Variants in CALN1 observed in about 807,000 individuals in gnomAD.
CALN1 encodes the protein calneuron 1, also known as calcium-binding protein 8.
Under a neutral mutation model 30.6 loss-of-function variants are expected in CALN1, and 17 were observed. The observed-to-expected ratio is 0.56, with a 90% CI of 0.38 to 0.83. The LOEUF is 0.83. CALN1 is among the 40% of genes least tolerant of loss of function. The probability of loss-of-function intolerance (pLI) is 0.00; values close to 1 mark genes in which losing one functional copy is unlikely to be tolerated. For missense variants in CALN1, 291 were observed against 354.9 expected (o/e 0.82, Z 1.45); for synonymous variants, 156 against 131.4 (o/e 1.19, Z -1.28).
chr7:72,378,319 G>A (rs1003323633), intron 2 of CALN1, among the ~76,000 whole-genome samples: 1 of 152,140 alleles, frequency 6.6e-6, no homozygotes, highest in Non-Finnish European at 1.5e-5. Context: ...GCAGAGAATA[G>A]GGAAAATTAA....
chr7:71,913,284 G>C (rs1426615747), intron 5 of CALN1, among the ~76,000 whole-genome samples: 1 of 152,158 alleles, frequency 6.6e-6, no homozygotes, highest in Non-Finnish European at 1.5e-5. Flanking sequence ...TGTGCATTAG[G>C]TGAGTTCTCT....
chr7:72,299,086 A>G (rs907690396), intron 2 of CALN1, among the ~76,000 whole-genome samples: 1 of 152,204 alleles, frequency 6.6e-6, no homozygotes, highest in African/African-American at 2.4e-5. Context: ...AGTACCTCCC[A>G]GTGTGAGATG....
At chr7:71,825,071 C>A (rs138098105) in intron 5 of CALN1, among the ~76,000 whole-genome samples, 1 of 152,156 alleles carries the variant, frequency 6.6e-6, no homozygotes, top group Admixed American at 6.5e-5. Context: ...GTCCCCACAG[C>A]GCAAACAATG....
intron 3 of CALN1, among the ~76,000 whole-genome samples, chr7:72,115,343 G>A (rs1199051426): frequency 6.8e-6 from 1 of 146,154 alleles, no homozygotes; most frequent in East Asian, 2.0e-4. Flanking sequence ...TCTCCACCTG[G>A]ATTTTTTTTT....
intron 5 of CALN1, among the ~76,000 whole-genome samples, chr7:71,947,622 C>G (rs1218236160): frequency 6.6e-6 from 1 of 152,072 alleles, no homozygotes; most frequent in East Asian, 1.9e-4. Context: ...CCTTGAAATA[C>G]TGTTCTCATA....
rs142775484 is a variant in CALN1, at chr7:72,369,087, T to C, written c.119+34164A>G. On this transcript the variant is annotated intron_variant, in intron 2 of 6. Transcript: ENST00000395275. ...ACCTCTGCCTCCTAAAGTGCTGTGA[T>C]TACAGGCATGAGCCACTGCACCCAG... Among the ~76,000 whole-genome samples, 1,183 of 151,680 alleles carry C rather than the reference T, an allele frequency of 7.8e-3. 4 individuals are homozygous for C. Among genetic ancestry groups the C allele is most frequent in the Non-Finnish European group, 0.012 (786 of 67,906 alleles).
intron 4 of CALN1, among the ~76,000 whole-genome samples, chr7:72,059,776 C>T (rs1001099871): frequency 6.6e-6 from 1 of 151,996 alleles, no homozygotes; most frequent in African/African-American, 2.4e-5. Flanking sequence ...TATGATGAAA[C>T]ATTCAATTAA....
chr7:71,981,874 T>G (rs1301463479), intron 5 of CALN1, among the ~76,000 whole-genome samples: 1 of 152,014 alleles, frequency 6.6e-6, no homozygotes, highest in Non-Finnish European at 1.5e-5. Context: ...TCTTCCTCTG[T>G]GTTGACAGTT....
At chr7:72,404,837 C>G (rs1806593423) in intron 1 of CALN1, among the ~76,000 whole-genome samples, 1 of 152,186 alleles carries the variant, frequency 6.6e-6, no homozygotes, top group African/African-American at 2.4e-5. Flanking sequence ...TGTTGTAAAT[C>G]TGCACGCACA....
chr7:72,066,808 G>A (rs1357637393), intron 4 of CALN1, among the ~76,000 whole-genome samples: 1 of 150,826 alleles, frequency 6.6e-6, no homozygotes, highest in Non-Finnish European at 1.5e-5. Flanking sequence ...TTGAGACAGA[G>A]TCTCACTCTG....
intron 1 of CALN1, among the ~76,000 whole-genome samples, chr7:72,446,820 G>T (rs1808541954): frequency 6.6e-6 from 1 of 152,124 alleles, no homozygotes; most frequent in Non-Finnish European, 1.5e-5. Context: ...AAACAAACGT[G>T]CCAAGAGCCA....
At chr7:71,898,006 AGG>A (rs1562882102) in intron 5 of CALN1, among the ~76,000 whole-genome samples, 4 of 79,260 alleles carry the variant, frequency 5.0e-5, no homozygotes, top group East Asian at 3.3e-4. Context: ...AGAGAGAGGG[AGG>A]GAGGGGGGGG....
rs1227332868 is a variant in CALN1, at chr7:72,412,273, A to G, written c.-289T>C. On this transcript the variant is annotated 5_prime_UTR_variant, in exon 1 of 7. Coordinates refer to ENST00000395275, the MANE Select transcript of CALN1 (RefSeq NM_031468.4). Reference sequence around the variant, plus strand: ...GTGGCGCGGACCCAGAGTAAGCAGTAAGCTTTATTAAGAAGCAGGAAAGAA... The same window carrying G: ...GTGGCGCGGACCCAGAGTAAGCAGTGAGCTTTATTAAGAAGCAGGAAAGAA... The G allele has an allele frequency of 3.3e-5, 5 of 152,182 alleles. No homozygotes were observed. Among genetic ancestry groups the G allele is most frequent in the Non-Finnish European group, 7.3e-5 (5 of 68,054 alleles). 9.4% of individuals were successfully genotyped at this position (152,182 alleles called of 1,614,324 possible). A position where few individuals can be genotyped will look rare whatever the true frequency, so the allele number is the denominator to read the frequency against.
chr7:72,198,410 A>C (rs1035230913), intron 3 of CALN1, among the ~76,000 whole-genome samples: 1 of 152,222 alleles, frequency 6.6e-6, no homozygotes, highest in Non-Finnish European at 1.5e-5. Flanking sequence ...AGATTAGATA[A>C]AAACATCACT....
intron 5 of CALN1, 133 bp from the exon 6 acceptor site, chr7:71,810,625 T>C (rs1787893313): frequency 1.3e-6 from 1 of 791,166 alleles, no homozygotes; most frequent in South Asian, 1.9e-5. Flanking sequence ...GGTGAACAGT[T>C]TTCCATCCTG....
chr7:72,114,309 G>GAAGGGAAGGC lies in CALN1; in HGVS notation c.245-8016_245-8015insGCCTTCCCTT, dbSNP rs1350961654. 4.6e-3 allele frequency among the ~76,000 whole-genome samples: 450 copies of GAAGGGAAGGC among 97,762 alleles called. 21 individuals are homozygous for GAAGGGAAGGC. Among genetic ancestry groups the GAAGGGAAGGC allele is most frequent in the South Asian group, 8.6e-3 (16 of 1,870 alleles). 64.1% of individuals were successfully genotyped at this position (97,762 alleles called of 152,430 possible). ...GAAGGGAAGGGAAGGGAAGGGAAGG[G>GAAGGGAAGGC]AAGGCAACACTGTAGTTTACGTGAT... On this transcript the variant is annotated intron_variant, in intron 3 of 6. Coordinates refer to ENST00000395275, the MANE Select transcript of CALN1 (RefSeq NM_031468.4).
chr7:71,904,015 G>GT (rs1488996978), intron 5 of CALN1, among the ~76,000 whole-genome samples: 11 of 152,152 alleles, frequency 7.2e-5, no homozygotes, highest in African/African-American at 1.9e-4. Flanking sequence ...TCTCACCCCA[G>GT]TTAGAATGGC....
intron 6 of CALN1, among the ~76,000 whole-genome samples, chr7:71,803,710 G>GGCTCAA: frequency 6.6e-6 from 1 of 152,046 alleles, no homozygotes; most frequent in Non-Finnish European, 1.5e-5. Context: ...CCTGACCTCA[G>GGCTCAA]GTGATCCTCC....
chr7:72,486,561 C>A, the CALN1 span, among the ~76,000 whole-genome samples: 3 of 151,896 alleles, frequency 2.0e-5, no homozygotes, highest in African/African-American at 7.3e-5. Flanking sequence ...TTGGTAGAGA[C>A]TGAGTTTCAC....
Sources: allele counts gnomAD v4.1 joint callset (sites outside exome capture counted in the v4.1 genomes callset), GRCh38; gene constraint gnomAD v4.1.1; transcripts MANE v1.5; gene names NCBI Gene and HGNC (gene_info 2026-07-23, HGNC 2026-07-21).